The following CDH18 variants were observed in gnomAD, a reference collection of about 807,000 sequenced individuals.
CDH18 encodes cadherin-18.
In CDH18, 31 loss-of-function variants were observed where a neutral mutation model predicts 67.9. That is an observed-to-expected ratio of 0.46 (90% CI 0.34 to 0.62). The LOEUF is 0.62. Among genes scored for constraint, CDH18 ranks in the 20% least tolerant of loss-of-function variants. The pLI, the probability that CDH18 is intolerant of heterozygous loss-of-function variation, is 0.01. For missense variants in CDH18, 890 were observed against 975.5 expected (o/e 0.91, Z 1.17); for synonymous variants, 362 against 347.2 (o/e 1.04, Z -0.48).
chr5:20,146,200 T>C (rs1750631264), intron 2 of CDH18, among the ~76,000 whole-genome samples: 1 of 152,060 alleles, frequency 6.6e-6, no homozygotes, highest in South Asian at 2.1e-4. Context: ...TTTCCTTCCT[T>C]AACTAGTAGC....
At chr5:20,055,737 T>C (rs563815695) in intron 2 of CDH18, among the ~76,000 whole-genome samples, 2 of 152,306 alleles carry the variant, frequency 1.3e-5, no homozygotes, top group South Asian at 4.1e-4. Flanking sequence ...AATCATCCCT[T>C]ATTGAGTTAG....
rs116527597 is a variant in CDH18 at position 20,220,745 on chromosome 5, C to A, written c.-518+34699G>T. Among the ~76,000 whole-genome samples the A allele has an allele frequency of 9.4e-3, 1,421 of 151,690 alleles. 23 individuals are homozygous for A. Among genetic ancestry groups the A allele is most frequent in the African/African-American group, 0.032 (1,320 of 41,348 alleles). On this transcript the variant is annotated intron_variant, in intron 2 of 14. Transcript: ENST00000507958. ...ATCCAGCTGACAAGGGATTAATAACCAGAATATATAAGGAGCCAGGCAACT... is the reference window on the plus strand; with the variant it reads ...ATCCAGCTGACAAGGGATTAATAACAAGAATATATAAGGAGCCAGGCAACT...
intron 7 of CDH18, among the ~76,000 whole-genome samples, chr5:19,580,958 T>C (rs1175731234): frequency 6.6e-6 from 1 of 151,992 alleles, no homozygotes; most frequent in Admixed American, 6.6e-5. Context: ...CAAGTATTTA[T>C]TATTAAGTTA....
intron 1 of CDH18, among the ~76,000 whole-genome samples, chr5:20,358,154 A>T (rs1456430241): frequency 6.6e-6 from 1 of 152,180 alleles, no homozygotes; most frequent in Non-Finnish European, 1.5e-5. Context: ...ACTAGTGGGC[A>T]GAGAGAAAGA....
intron 2 of CDH18, among the ~76,000 whole-genome samples, chr5:19,892,964 G>T (rs1165235410): frequency 1.3e-5 from 2 of 152,248 alleles, no homozygotes; most frequent in South Asian, 2.1e-4. Context: ...CAGTGCCATG[G>T]CCTAAATGCT....
rs78180974 is a variant in CDH18 at position 19,957,277 on chromosome 5, C to T, written c.-257+23783G>A. 7.9e-3 allele frequency among the ~76,000 whole-genome samples: 1,194 copies of T among 151,518 alleles called. 35 individuals carry two copies. The highest frequency in any genetic ancestry group is 0.052 in the East Asian group (266 of 5,154). ...CAGAGTGAATTCAAACATCTGCAAA[C>T]ATAAACACACAAACATGCATATATG... On this transcript the variant is annotated intron_variant, in intron 2 of 12. Transcript: ENST00000382275.
chr5:19,896,017 G>GA (rs58279995), intron 2 of CDH18, among the ~76,000 whole-genome samples: 119,614 of 151,046 alleles, frequency 0.79, 49,128 homozygotes, highest in Non-Finnish European at 0.9. Context: ...ATTATTTGGG[G>GA]AAAAAAAAAT....
intron 2 of CDH18, among the ~76,000 whole-genome samples, chr5:20,215,702 T>C (rs1166211169): frequency 2.0e-5 from 3 of 151,980 alleles, no homozygotes; most frequent in Admixed American, 1.3e-4. Flanking sequence ...TTATTCATAA[T>C]ATCAGAGACA....
intron 1 of CDH18, among the ~76,000 whole-genome samples, chr5:20,416,730 A>G (rs1747340928): frequency 6.6e-6 from 1 of 152,132 alleles, no homozygotes; most frequent in Admixed American, 6.5e-5. Flanking sequence ...ATAAAAGACT[A>G]GTAATGAAAA....
intron 4 of CDH18, among the ~76,000 whole-genome samples, chr5:19,734,933 C>A (rs1335874774): frequency 6.6e-6 from 1 of 152,072 alleles, no homozygotes; most frequent in African/African-American, 2.4e-5. Context: ...ATTTTAGAGT[C>A]TTTAAGCAAT....
At chr5:19,676,296 C>G (rs943194913) in intron 5 of CDH18, among the ~76,000 whole-genome samples, 2 of 151,948 alleles carry the variant, frequency 1.3e-5, no homozygotes, top group Middle Eastern at 3.4e-3. Context: ...TAAAAATTAC[C>G]CCAACTTCGC....
intron 3 of CDH18, among the ~76,000 whole-genome samples, chr5:19,781,570 G>C (rs182655039): frequency 6.6e-6 from 1 of 151,950 alleles, no homozygotes; most frequent in South Asian, 2.1e-4. Flanking sequence ...TCTTGTGGGG[G>C]TTTTTTTATT....
In CDH18 at chr5:20,466,176, T is replaced by A. The variant is rs980517239; in HGVS notation, c.-580+109286A>T. On this transcript the variant is annotated intron_variant, in intron 1 of 14. Coordinates refer to the CDH18 transcript ENST00000507958. ...TTTCCTAATCATGCTTAGAAATCTA[T>A]AAACATTTAAAAATCTTCTAAATTG... Among the ~76,000 whole-genome samples the A allele has an allele frequency of 2.0e-5, 3 of 152,086 alleles. No homozygotes were observed. In the South Asian group the frequency reaches 6.2e-4, roughly 31 times the overall value.
intron 1 of CDH18, among the ~76,000 whole-genome samples, chr5:20,263,090 A>AT (rs1036387827): frequency 4.1e-4 from 62 of 150,134 alleles, no homozygotes; most frequent in African/African-American, 1.4e-3. Flanking sequence ...TTTCTCCTTG[A>AT]TAAAAAAAAA....
At chr5:19,820,957 G>C (rs1028550621) in intron 3 of CDH18, among the ~76,000 whole-genome samples, 1 of 152,120 alleles carries the variant, frequency 6.6e-6, no homozygotes, top group East Asian at 1.9e-4. Flanking sequence ...AAGCTTCATC[G>C]CAATAACAGA....
rs529503754 is a variant in CDH18 at position 19,948,425 on chromosome 5, T to C, written c.-257+32635A>G. On this transcript the variant is annotated intron_variant, in intron 2 of 12. Coordinates refer to ENST00000382275, the MANE Select transcript of CDH18 (RefSeq NM_004934.5). ...ACTACTCAACAATAAAAAGAAATGA[T>C]ATGTTGATACACGCAACGACTTGGA... Among the ~76,000 whole-genome samples the C allele has an allele frequency of 7.9e-5, 12 of 152,252 alleles. No individual in the cohort carries two copies. In the South Asian group the frequency reaches 2.5e-3, roughly 32 times the overall value.
intron 1 of CDH18, among the ~76,000 whole-genome samples, chr5:20,515,433 G>A (rs1252399774): frequency 6.6e-6 from 1 of 151,698 alleles, no homozygotes; most frequent in African/African-American, 2.4e-5. Flanking sequence ...CACTTTTCTT[G>A]GTCATCTGTC....
intron 5 of CDH18, among the ~76,000 whole-genome samples, chr5:19,703,996 T>G (rs1403404817): frequency 6.6e-6 from 1 of 152,138 alleles, no homozygotes; most frequent in Non-Finnish European, 1.5e-5. Flanking sequence ...ATTCAAATTA[T>G]TATATCTACT....
chr5:20,491,334 G>C (rs550185354), intron 1 of CDH18, among the ~76,000 whole-genome samples: 2 of 151,996 alleles, frequency 1.3e-5, no homozygotes, highest in Admixed American at 6.6e-5. Flanking sequence ...GGTAATGATC[G>C]TAAGTTTAGT....
Sources: allele counts gnomAD v4.1 joint callset (sites outside exome capture counted in the v4.1 genomes callset), GRCh38; gene constraint gnomAD v4.1.1; transcripts MANE v1.5; gene names NCBI Gene and HGNC (gene_info 2026-07-23, HGNC 2026-07-21).